The following MAGI2 variants were observed in gnomAD, a reference collection of about 807,000 sequenced individuals.
MAGI2 encodes the protein membrane-associated guanylate kinase, WW and PDZ domain-containing protein 2.
Under a neutral mutation model 133.3 loss-of-function variants are expected in MAGI2, and 35 were observed. The observed-to-expected ratio is 0.26, with a 90% CI of 0.20 to 0.35. The LOEUF (loss-of-function observed/expected upper bound fraction) is 0.35, where lower values mean the gene tolerates loss of function less well. Among genes scored for constraint, MAGI2 ranks in the 10% least tolerant of loss-of-function variants. The pLI, the probability that MAGI2 is intolerant of heterozygous loss-of-function variation, is 1.00. For synonymous variants in MAGI2, 729 were observed against 710.6 expected (o/e 1.03, Z -0.41); for missense variants, 1,636 against 1,863.4 (o/e 0.88, Z 2.25).
intron 6 of MAGI2, among the ~76,000 whole-genome samples, chr7:78,416,034 A>G (rs1439034278): frequency 6.6e-6 from 1 of 152,100 alleles, no homozygotes; most frequent in Non-Finnish European, 1.5e-5. Flanking sequence ...TGGACTGTAC[A>G]GGTTGGGTAA....
chr7:79,452,921 C>T, intron 1 of MAGI2, 99 bp downstream of exon 1: 1 of 1,343,482 alleles, frequency 7.4e-7, no homozygotes, highest in South Asian at 1.4e-5. Context: ...CATCATCGCG[C>T]AACACACCCC....
chr7:78,949,292 TG>T lies in MAGI2; in HGVS notation c.418+57797del, dbSNP rs377443351. Among the ~76,000 whole-genome samples, 19 of 152,312 alleles carry T rather than the reference TG, an allele frequency of 1.2e-4. No individual in the cohort carries two copies. In the East Asian group the frequency reaches 1.7e-3, roughly 14 times the overall value. On this transcript the variant is annotated intron_variant, in intron 2 of 21. Coordinates refer to ENST00000354212, the MANE Select transcript of MAGI2 (RefSeq NM_012301.4). ...AATAGAGTGTTATTATGCTTATTAT[TG>T]CTTGCTGTTTTATTTTGTATTTGAA...
chr7:78,421,474 G>A (rs1380902017), intron 6 of MAGI2, among the ~76,000 whole-genome samples: 2 of 152,144 alleles, frequency 1.3e-5, no homozygotes, highest in Non-Finnish European at 2.9e-5. Flanking sequence ...AACTGAGTTA[G>A]CATGAGATTA....
chr7:79,171,756 A>G (rs1216936166), intron 1 of MAGI2, among the ~76,000 whole-genome samples: 22 of 30,890 alleles, frequency 7.1e-4, no homozygotes, highest in African/African-American at 1.7e-3. Flanking sequence ...ATATATATAT[A>G]TATATATATA....
At chr7:79,428,257 A>G (rs991140607) in intron 1 of MAGI2, among the ~76,000 whole-genome samples, 3 of 152,194 alleles carry the variant, frequency 2.0e-5, no homozygotes, top group Non-Finnish European at 2.9e-5. Context: ...AAGACTGTGT[A>G]AATCTATTAA....
intron 1 of MAGI2, among the ~76,000 whole-genome samples, chr7:79,451,182 A>G (rs1849215518): frequency 6.6e-6 from 1 of 152,220 alleles, no homozygotes; most frequent in African/African-American, 2.4e-5. Context: ...CACAACATTT[A>G]AGATGTGATG....
intron 1 of MAGI2, among the ~76,000 whole-genome samples, chr7:79,277,421 C>G (rs1379327994): frequency 1.3e-5 from 2 of 152,072 alleles, no homozygotes; most frequent in African/African-American, 2.4e-5. Flanking sequence ...GGAAACAAAA[C>G]AAACTGTGAT....
intron 10 of MAGI2, among the ~76,000 whole-genome samples, chr7:78,241,874 C>T (rs953564872): frequency 1.3e-5 from 2 of 151,480 alleles, no homozygotes; most frequent in Non-Finnish European, 2.9e-5. Flanking sequence ...GTGGAGGCTG[C>T]AGTGAGCCGA....
chr7:78,962,359 G>A (rs1802916387), intron 2 of MAGI2, among the ~76,000 whole-genome samples: 1 of 151,900 alleles, frequency 6.6e-6, no homozygotes, highest in African/African-American at 2.4e-5. Context: ...AAAAGGCTGA[G>A]CTTTTTTTCT....
At chr7:78,925,752 AT>A (rs998665376) in intron 2 of MAGI2, among the ~76,000 whole-genome samples, 3 of 152,064 alleles carry the variant, frequency 2.0e-5, no homozygotes, top group African/African-American at 7.2e-5. Context: ...AAAAATATTT[AT>A]GTTAAAATAT....
intron 6 of MAGI2, among the ~76,000 whole-genome samples, chr7:78,423,860 G>A (rs775153870): frequency 3.3e-5 from 5 of 152,158 alleles, no homozygotes; most frequent in Non-Finnish European, 5.9e-5. Context: ...CATTCAAGAG[G>A]TGACTTGGAT....
intron 2 of MAGI2, among the ~76,000 whole-genome samples, chr7:78,632,368 G>A (rs755457908): frequency 6.6e-6 from 1 of 152,162 alleles, no homozygotes; most frequent in Non-Finnish European, 1.5e-5. Context: ...TAGACAGTAT[G>A]GAGAAAAGGG....
At chr7:79,426,124 T>C (rs989537574) in intron 1 of MAGI2, among the ~76,000 whole-genome samples, 3 of 152,190 alleles carry the variant, frequency 2.0e-5, no homozygotes, top group African/African-American at 7.2e-5. Flanking sequence ...AGTGTGGAGC[T>C]GTCTGTAATA....
intron 2 of MAGI2, among the ~76,000 whole-genome samples, chr7:78,858,695 G>C (rs1793877511): frequency 6.6e-6 from 1 of 152,222 alleles, no homozygotes; most frequent in Admixed American, 6.5e-5. Flanking sequence ...TTTGGAATAA[G>C]TGTTATGTGG....
At chr7:78,653,580 A>G (rs1013592270) in intron 2 of MAGI2, among the ~76,000 whole-genome samples, 1 of 152,100 alleles carries the variant, frequency 6.6e-6, no homozygotes, top group Non-Finnish European at 1.5e-5. Context: ...TGGGAGTTGA[A>G]TAATGAGAAC....
intron 6 of MAGI2, among the ~76,000 whole-genome samples, chr7:78,425,343 T>G (rs1418507024): frequency 6.6e-6 from 1 of 152,192 alleles, no homozygotes; most frequent in African/African-American, 2.4e-5. Context: ...TAAGTCCAAT[T>G]AAACCTCTTT....
chr7:78,138,625 T>TCACACACACACACA (rs202115434), intron 16 of MAGI2, among the ~76,000 whole-genome samples: 7 of 129,500 alleles, frequency 5.4e-5, no homozygotes, highest in South Asian at 2.5e-4. Context: ...AAACATAGAT[T>TCACACACACACACA]CACACACACA....
At chr7:79,374,084 C>T (rs1369248438) in intron 1 of MAGI2, among the ~76,000 whole-genome samples, 1 of 151,922 alleles carries the variant, frequency 6.6e-6, no homozygotes, top group Non-Finnish European at 1.5e-5. Context: ...ATATGGTACA[C>T]AAACACACCT....
intron 2 of MAGI2, among the ~76,000 whole-genome samples, chr7:78,964,111 T>G (rs1562724503): frequency 6.6e-6 from 1 of 151,988 alleles, no homozygotes; most frequent in African/African-American, 2.4e-5. Context: ...TTCCTTCTAA[T>G]ACATTTATAA....
Sources: gnomAD v4.1 joint callset for allele counts (sites outside exome capture counted in the v4.1 genomes callset) on GRCh38, gnomAD v4.1.1 for gene constraint, MANE v1.5 for transcripts, NCBI Gene and HGNC (gene_info 2026-07-23, HGNC 2026-07-21) for gene names.